The following ZC3H3 variants were observed in gnomAD, a reference collection of about 807,000 sequenced individuals.
ZC3H3 encodes zinc finger CCCH-type containing 3.
ZC3H3 carries 36 observed loss-of-function variants against 77.3 expected under a neutral mutation model. The observed-to-expected ratio is 0.47, with a 90% CI of 0.36 to 0.61. ZC3H3 has a LOEUF of 0.61. Ranked by LOEUF, ZC3H3 falls within the 20% of genes least tolerant of loss-of-function variation. The probability of loss-of-function intolerance (pLI) is 0.00; values close to 1 mark genes in which losing one functional copy is unlikely to be tolerated. For missense variants in ZC3H3, 1,331 were observed against 1,312.2 expected (o/e 1.01, Z -0.22); for synonymous variants, 626 against 555.2 (o/e 1.13, Z -1.79).
intron 3 of ZC3H3, among the ~76,000 whole-genome samples, chr8:143,511,322 G>C (rs1821864238): frequency 6.6e-6 from 1 of 152,254 alleles, no homozygotes; most frequent in African/African-American, 2.4e-5. Flanking sequence ...CAGATGGCTG[G>C]TCTGATCAGA....
intron 9 of ZC3H3, 140 bp downstream of exon 9, chr8:143,465,577 C>A: frequency 7.5e-7 from 1 of 1,332,756 alleles, no homozygotes; most frequent in Non-Finnish European, 1.0e-6. Flanking sequence ...TCTGAGTCAC[C>A]TGTGAGGTGG....
At position 143,533,675 on chromosome 8, in the gene ZC3H3, C is replaced by A. The variant is rs1016171678; in HGVS notation, c.1561+2582G>T. ...CCTCTCCTCTCACTCCATGCAGCCG[C>A]CACGCTGGTCTTTTTTTTTTTTTTT... On this transcript the variant is annotated intron_variant, in intron 3 of 11. Transcript: ENST00000262577. The surrounding 1 kb of genome is among the most constrained non-coding windows in gnomAD (Gnocchi z 4.0). Among the ~76,000 whole-genome samples, 1 of 150,828 alleles carries A rather than the reference C, an allele frequency of 6.6e-6. No homozygotes were observed. Among genetic ancestry groups the A allele is most frequent in the Non-Finnish European group, 1.5e-5 (1 of 67,800 alleles).
At chr8:143,439,468 C>T (rs1442523854) in intron 11 of ZC3H3, among the ~76,000 whole-genome samples, 2 of 152,186 alleles carry the variant, frequency 1.3e-5, no homozygotes, top group South Asian at 2.1e-4. Context: ...CAGAAAGGGT[C>T]GTTTGCAGCC....
rs1304530538 is a variant in ZC3H3, at chr8:143,533,285, T to C, written c.1561+2972A>G. On this transcript the variant is annotated intron_variant, in intron 3 of 11. Coordinates refer to ENST00000262577, the MANE Select transcript of ZC3H3 (RefSeq NM_015117.3). This position sits in a 1 kb window ranked among gnomAD's most constrained non-coding sequence, Gnocchi z 4.0. The stretch of plus-strand genomic sequence containing the variant: ...GTGCTCCAGAACACAGTAAGCTCGT[T>C]CCCACCTCCACCTCGGCCTCAGAGC... Among the ~76,000 whole-genome samples the C allele has an allele frequency of 1.3e-5, 2 of 152,162 alleles. No homozygotes were observed. Among genetic ancestry groups the C allele is most frequent in the Non-Finnish European group, 2.9e-5 (2 of 68,032 alleles).
At chr8:143,529,784 C>G in intron 3 of ZC3H3, among the ~76,000 whole-genome samples, 1 of 152,182 alleles carries the variant, frequency 6.6e-6, no homozygotes, top group East Asian at 1.9e-4. Flanking sequence ...CACCTGGTGG[C>G]AGGGAGGGGC....
intron 3 of ZC3H3, among the ~76,000 whole-genome samples, chr8:143,520,584 C>T (rs1305455392): frequency 6.6e-6 from 1 of 152,228 alleles, no homozygotes; most frequent in African/African-American, 2.4e-5. Context: ...ATCACCCAGC[C>T]TTGTAAGCTT....
chr8:143,516,579 A>ACACT (rs1554645654), intron 3 of ZC3H3, among the ~76,000 whole-genome samples: 1 of 145,568 alleles, frequency 6.9e-6, no homozygotes, highest in African/African-American at 2.6e-5. Flanking sequence ...ACACACACAC[A>ACACT]CTCACTCTCA....
chr8:143,533,714 T>C lies in ZC3H3; in HGVS notation c.1561+2543A>G, dbSNP rs959414879. 2.2e-5 allele frequency among the ~76,000 whole-genome samples: 3 copies of C among 139,028 alleles called. No homozygotes were observed. The highest frequency in any genetic ancestry group is 4.6e-5 in the Non-Finnish European group (3 of 64,536). 91.2% of individuals were successfully genotyped at this position (139,028 alleles called of 152,430 possible). The stretch of plus-strand genomic sequence containing the variant: ...TTTTTTTTTTTTTTTTGAGACAAAA[T>C]GTCACTCTGTCGCCCAGGCTGGAGT... On this transcript the variant is annotated intron_variant, in intron 3 of 11. Transcript: ENST00000262577. The surrounding 1 kb of genome is among the most constrained non-coding windows in gnomAD (Gnocchi z 4.0).
At position 143,460,761 on chromosome 8, in the gene ZC3H3, C is replaced by G. The variant is rs771556871; in HGVS notation, c.2307+4956G>C. Reference sequence around the variant, plus strand: ...ACGTGTGAACCCTGGAAACATTATGCCGGGTGAAAGATGCCAGACACCAAA... The same window carrying G: ...ACGTGTGAACCCTGGAAACATTATGGCGGGTGAAAGATGCCAGACACCAAA... On this transcript the variant is annotated intron_variant, in intron 9 of 11. Coordinates refer to ENST00000262577, the MANE Select transcript of ZC3H3 (RefSeq NM_015117.3). The surrounding 1 kb of genome is among the most constrained non-coding windows in gnomAD (Gnocchi z 4.0). Among the ~76,000 whole-genome samples the G allele has an allele frequency of 5.9e-5, 9 of 152,124 alleles. No individual in the cohort carries two copies. Among genetic ancestry groups the G allele is most frequent in the Non-Finnish European group, 1.0e-4 (7 of 68,024 alleles).
intron 1 of ZC3H3, 33 bp downstream of exon 1, chr8:143,541,343 G>C: frequency 6.2e-7 from 1 of 1,605,506 alleles, no homozygotes; most frequent in Non-Finnish European, 8.5e-7. Context: ...GGGGAAAGAA[G>C]GGGACTCGCG....
At chr8:143,499,968 C>T (rs1297525366) in intron 4 of ZC3H3, among the ~76,000 whole-genome samples, 1 of 152,194 alleles carries the variant, frequency 6.6e-6, no homozygotes, top group Admixed American at 6.5e-5. Flanking sequence ...GCCCTGATAA[C>T]CCCTGGCCCC....
chr8:143,440,490 G>A, intron 10 of ZC3H3, 127 bp from the exon 11 acceptor site: 1 of 1,426,162 alleles, frequency 7.0e-7, no homozygotes, highest in Non-Finnish European at 9.2e-7. Context: ...AGAGCTGGAG[G>A]CACAGGTCAG....
chr8:143,440,062 C>T lies in ZC3H3; in HGVS notation c.2794G>A (p.Ala932Thr). The change falls in exon 11 of 12, where the codon GCC becomes ACC. Residue 932 changes from alanine (A) to threonine (T), a missense_variant. Physicochemically the swap from Ala to Thr is moderately conservative, Grantham distance 58. Coordinates refer to ENST00000262577, the MANE Select transcript of ZC3H3 (RefSeq NM_015117.3). ...GAQPRVRAPR[A>T]PLTKDSGKPL... Reference sequence around the variant, plus strand: ...CTACCTGAGTCCTTGGTGAGGGGGGCCCTAGGGGCCCGGACCCTGGGCTGG... The same window carrying T: ...CTACCTGAGTCCTTGGTGAGGGGGGTCCTAGGGGCCCGGACCCTGGGCTGG... The T allele has an allele frequency of 6.4e-7, 1 of 1,559,392 alleles. No homozygotes were observed. The highest frequency in any genetic ancestry group is 1.2e-5 in the South Asian group (1 of 85,328).
At chr8:143,511,054 A>G (rs561152923) in intron 3 of ZC3H3, among the ~76,000 whole-genome samples, 95 of 152,370 alleles carry the variant, frequency 6.2e-4, no homozygotes, top group African/African-American at 2.2e-3. Flanking sequence ...AACTGCTGGC[A>G]TCATATGTGA....
In ZC3H3 at chr8:143,448,931, C is replaced by G. The variant is rs536930430; in HGVS notation, c.2308-7811G>C. ...CTCTTGCACTCTGAGTACCTGCAGG[C>G]TTACCACTACGTAGAAGCTTCCAAG... On this transcript the variant is annotated intron_variant, in intron 9 of 11. Transcript: ENST00000262577. Among the ~76,000 whole-genome samples, 91 of 152,388 alleles carry G rather than the reference C, an allele frequency of 6.0e-4. 1 individual carries two copies. The highest frequency in any genetic ancestry group is 2.1e-3 in the African/African-American group (89 of 41,586).
Position 143,539,261 on chromosome 8 carries a change from C to G in ZC3H3, c.106G>C (p.Ala36Pro), listed in dbSNP as rs1219427451. Residue 36 changes from alanine (A) to proline (P), a missense_variant, in exon 2 of 12, where the codon GCT becomes CCT. Physicochemically the swap from Ala to Pro is conservative, Grantham distance 27. Coordinates refer to ENST00000262577, the MANE Select transcript of ZC3H3 (RefSeq NM_015117.3). Reference protein sequence around the residue: ...GNAPAPGTPAASGWQPPTYHS... With the variant: ...GNAPAPGTPAPSGWQPPTYHS... ...TAAGTGGGTGGCTGCCACCCAGAAG[C>G]TGCTGGGGTACCAGGGGCCGGGGCA... 4 of 1,612,792 alleles carry G rather than the reference C, an allele frequency of 2.5e-6. No homozygotes were observed. Among genetic ancestry groups the G allele is most frequent in the Middle Eastern group, 1.6e-4 (1 of 6,062 alleles).
At chr8:143,476,128 A>C (rs1475968309) in intron 4 of ZC3H3, among the ~76,000 whole-genome samples, 2 of 152,162 alleles carry the variant, frequency 1.3e-5, no homozygotes, top group Non-Finnish European at 2.9e-5. Flanking sequence ...AACCGGCCCC[A>C]GCACATACCA....
intron 9 of ZC3H3, among the ~76,000 whole-genome samples, chr8:143,445,849 CT>C (rs1234578819): frequency 6.6e-6 from 1 of 152,054 alleles, no homozygotes; most frequent in Admixed American, 6.6e-5. Context: ...AAAATTCCAA[CT>C]TTTTTTTAAC....
At chr8:143,513,413 G>A (rs1014947631) in intron 3 of ZC3H3, among the ~76,000 whole-genome samples, 2 of 152,178 alleles carry the variant, frequency 1.3e-5, no homozygotes, top group African/African-American at 4.8e-5. Context: ...CAGCTCGCAG[G>A]TGATCCTGCC....
Sources: allele counts gnomAD v4.1 joint callset (sites outside exome capture counted in the v4.1 genomes callset), GRCh38; gene constraint gnomAD v4.1.1; non-coding constraint Gnocchi (gnomAD v3.1); transcripts MANE v1.5; gene names NCBI Gene and HGNC (gene_info 2026-07-23, HGNC 2026-07-21).